Variants in ROBO1 observed in about 807,000 individuals in gnomAD.
ROBO1 encodes the protein roundabout homolog 1.
Under a neutral mutation model 195.9 loss-of-function variants are expected in ROBO1, and 149 were observed. That is an observed-to-expected ratio of 0.76 (90% CI 0.67 to 0.87). The LOEUF (loss-of-function observed/expected upper bound fraction) is 0.87. Ranked by LOEUF, ROBO1 falls within the 40% of genes least tolerant of loss-of-function variation. ROBO1 has a pLI of 0.00. For missense variants in ROBO1, 1,933 were observed against 2,068.3 expected, an observed-to-expected ratio of 0.93 and a Z score of 1.27; for synonymous variants, 816 against 733.2, an observed-to-expected ratio of 1.11 and a Z score of -1.82.
intron 2 of ROBO1, among the ~76,000 whole-genome samples, chr3:79,530,714 G>A (rs1275060761): frequency 6.8e-6 from 1 of 147,088 alleles, no homozygotes; most frequent in Non-Finnish European, 1.5e-5. Flanking sequence ...CCTGCATGAT[G>A]TTTTTGAATT....
intron 4 of ROBO1, among the ~76,000 whole-genome samples, chr3:78,846,985 G>C (rs904605018): frequency 2.6e-5 from 4 of 152,102 alleles, no homozygotes; most frequent in African/African-American, 9.7e-5. Context: ...GGCCTGCTCA[G>C]ATCTCAACAC....
chr3:79,468,333 A>G (rs1938084039), intron 2 of ROBO1, among the ~76,000 whole-genome samples: 1 of 152,186 alleles, frequency 6.6e-6, no homozygotes, highest in East Asian at 1.9e-4. Flanking sequence ...TGAAAAGTGT[A>G]CTATAATTAT....
chr3:78,736,408 A>C (rs577727617), intron 5 of ROBO1, among the ~76,000 whole-genome samples: 37 of 152,308 alleles, frequency 2.4e-4, no homozygotes, highest in African/African-American at 8.9e-4. Context: ...TGGTAAAAGG[A>C]AAACAAACAG....
intron 3 of ROBO1, among the ~76,000 whole-genome samples, chr3:79,090,728 G>T (rs2079465032): frequency 6.6e-6 from 1 of 152,020 alleles, no homozygotes; most frequent in African/African-American, 2.4e-5. Flanking sequence ...AGTTCACATG[G>T]TTGTTGAGAT....
intron 1 of ROBO1, among the ~76,000 whole-genome samples, chr3:79,709,777 A>G (rs1017250042): frequency 6.6e-6 from 1 of 152,148 alleles, no homozygotes; most frequent in Non-Finnish European, 1.5e-5. Context: ...TGGTAATTAC[A>G]TCATCACTTC....
At chr3:79,500,932 T>C (rs190627892) in intron 2 of ROBO1, among the ~76,000 whole-genome samples, 7 of 150,576 alleles carry the variant, frequency 4.6e-5, no homozygotes, top group South Asian at 2.1e-4. Context: ...CTAACTCTCT[T>C]TCTCTCTCTC....
At chr3:78,948,395 C>T (rs1576452088) in intron 3 of ROBO1, among the ~76,000 whole-genome samples, 1 of 152,140 alleles carries the variant, frequency 6.6e-6, no homozygotes, top group African/African-American at 2.4e-5. Flanking sequence ...AGCTTATAAA[C>T]AGAACCAAAG....
chr3:79,141,773 C>T (rs922012178), intron 2 of ROBO1, among the ~76,000 whole-genome samples: 1 of 151,960 alleles, frequency 6.6e-6, no homozygotes, highest in African/African-American at 2.4e-5. Context: ...TGGCTCACAG[C>T]CTTTGGACAT....
chr3:78,711,642 C>G (rs922185013), intron 8 of ROBO1, among the ~76,000 whole-genome samples: 5 of 138,670 alleles, frequency 3.6e-5, no homozygotes, highest in Non-Finnish European at 7.9e-5. Context: ...CATGCCACCA[C>G]GCCCAGCTAA....
chr3:78,659,818 G>GCCT lies in ROBO1; in HGVS notation c.2321-12_2321-11insAGG. 1.3e-6 allele frequency: 2 copies of GCCT among 1,589,870 alleles called. No individual in the cohort carries two copies. Among genetic ancestry groups the GCCT allele is most frequent in the Non-Finnish European group, 1.7e-6 (2 of 1,167,986 alleles). ...GTGGGGCACTGGGTGCTATTAAATT[G>GCCT]TTTTAAAAGGTAGGTTATTAGAATG... On this transcript the variant is annotated splice_polypyrimidine_tract_variant and intron_variant, in intron 16 of 30. Coordinates refer to ENST00000464233, the MANE Select transcript of ROBO1 (RefSeq NM_002941.4).
At chr3:78,649,488 A>G (rs1053365853) in intron 19 of ROBO1, among the ~76,000 whole-genome samples, 11 of 152,140 alleles carry the variant, frequency 7.2e-5, no homozygotes, top group African/African-American at 2.7e-4. Context: ...TAAGGGGGAA[A>G]TGTTAAATAT....
chr3:79,357,882 C>T (rs9843467), intron 2 of ROBO1, among the ~76,000 whole-genome samples: 40,423 of 151,994 alleles, frequency 0.27, 6,143 homozygotes, highest in African/African-American at 0.41. Context: ...TAAGTGGAAT[C>T]TAATTTCATT....
intron 2 of ROBO1, among the ~76,000 whole-genome samples, chr3:79,402,295 CTTA>C (rs1396855906): frequency 2.6e-5 from 4 of 151,986 alleles, no homozygotes; most frequent in African/African-American, 9.6e-5. Flanking sequence ...GTAAAAGACA[CTTA>C]TTATTACAGA....
intron 3 of ROBO1, among the ~76,000 whole-genome samples, chr3:78,993,265 A>T (rs2077279242): frequency 6.6e-6 from 1 of 152,196 alleles, no homozygotes; most frequent in Admixed American, 6.5e-5. Context: ...GTGCATGCAC[A>T]AGCACAAGCA....
intron 4 of ROBO1, among the ~76,000 whole-genome samples, chr3:78,769,618 G>GTTT (rs34157314): frequency 1.2e-5 from 1 of 84,004 alleles, no homozygotes. Context: ...GTGTACTTTG[G>GTTT]TTTTTTTTTT....
intron 4 of ROBO1, among the ~76,000 whole-genome samples, chr3:78,908,807 C>T (rs571251866): frequency 6.6e-6 from 1 of 151,966 alleles, no homozygotes; most frequent in Admixed American, 6.6e-5. Context: ...TTCCTAGAAA[C>T]CTTTCTAATA....
intron 4 of ROBO1, among the ~76,000 whole-genome samples, chr3:78,877,471 T>A (rs2035923840): frequency 6.6e-6 from 1 of 151,160 alleles, no homozygotes; most frequent in South Asian, 2.1e-4. Flanking sequence ...GAAAAAAAAA[T>A]AGTACATTGG....
chr3:78,764,233 G>T (rs937442798), intron 4 of ROBO1, among the ~76,000 whole-genome samples: 1 of 152,036 alleles, frequency 6.6e-6, no homozygotes, highest in Admixed American at 6.6e-5. Flanking sequence ...GCATGTTTTA[G>T]TTAGAAGGAA....
At chr3:78,960,235 A>G (rs931414719) in intron 3 of ROBO1, among the ~76,000 whole-genome samples, 3 of 152,040 alleles carry the variant, frequency 2.0e-5, no homozygotes, top group African/African-American at 7.2e-5. Context: ...AATCAGAAAT[A>G]CAGTGCCCTT....
Sources: gnomAD v4.1 joint callset for allele counts (sites outside exome capture counted in the v4.1 genomes callset) on GRCh38, gnomAD v4.1.1 for gene constraint, MANE v1.5 for transcripts, NCBI Gene and HGNC (gene_info 2026-07-23, HGNC 2026-07-21) for gene names.